Variants in ASIC2 observed in about 807,000 individuals in gnomAD.
ASIC2 encodes acid sensing ion channel subunit 2.
A neutral mutation model predicts 57.3 loss-of-function variants in ASIC2; 25 were observed. That is an observed-to-expected ratio of 0.44 (90% CI 0.32 to 0.61). The LOEUF (loss-of-function observed/expected upper bound fraction) is 0.61. Ranked by LOEUF, ASIC2 falls within the 20% of genes least tolerant of loss-of-function variation. The pLI is 0.06. For missense variants in ASIC2, 641 were observed against 738.1 expected (o/e 0.87, Z 1.52); for synonymous variants, 319 against 307.5 (o/e 1.04, Z -0.39).
chr17:33,642,069 T>C (rs1396795556), intron 1 of ASIC2, among the ~76,000 whole-genome samples: 1 of 152,148 alleles, frequency 6.6e-6, no homozygotes, highest in South Asian at 2.1e-4. Context: ...GTGGCTATTA[T>C]CAGAGAGCAC....
Position 33,682,060 on chromosome 17 carries a change from C to CTTT in ASIC2, c.555+473915_555+473917dup, listed in dbSNP as rs58085265. ...CCACACAGGATGGCATCAGTGACAT[C>CTTT]TTTTTTTTTTTTTTTTTGAGACAGA... On this transcript the variant is annotated intron_variant, in intron 1 of 9. Coordinates refer to the ASIC2 transcript ENST00000359872. Among the ~76,000 whole-genome samples, 44 of 122,774 alleles carry CTTT rather than the reference C, an allele frequency of 3.6e-4. 3 individuals carry two copies. The highest frequency in any genetic ancestry group is 1.1e-3 in the African/African-American group (33 of 29,874). The allele number at this position is 122,774 out of a possible 152,430, so 80.5% of individuals were successfully genotyped here.
chr17:33,865,272 C>A (rs149870725), intron 1 of ASIC2, among the ~76,000 whole-genome samples: 1 of 152,170 alleles, frequency 6.6e-6, no homozygotes, highest in Admixed American at 6.5e-5. Flanking sequence ...GAATTGTAAG[C>A]CACATTTTGT....
intron 1 of ASIC2, among the ~76,000 whole-genome samples, chr17:33,710,013 T>C (rs192862890): frequency 6.6e-6 from 1 of 152,330 alleles, no homozygotes; most frequent in Admixed American, 6.5e-5. Context: ...CTAACATCTG[T>C]CTCCACACAT....
intron 1 of ASIC2, among the ~76,000 whole-genome samples, chr17:33,414,513 G>A (rs371659494): frequency 1.1e-4 from 17 of 152,150 alleles, no homozygotes; most frequent in African/African-American, 3.9e-4. Flanking sequence ...TCCTACCACG[G>A]CAGCCACCGA....
intron 1 of ASIC2, among the ~76,000 whole-genome samples, chr17:33,779,423 A>T (rs533481617): frequency 6.6e-6 from 1 of 152,298 alleles, no homozygotes; most frequent in African/African-American, 2.4e-5. Context: ...GCTCAGCAAA[A>T]GTCTAGTTAT....
chr17:33,888,520 G>T (rs1160900726), intron 1 of ASIC2, among the ~76,000 whole-genome samples: 2 of 152,126 alleles, frequency 1.3e-5, no homozygotes, highest in Non-Finnish European at 2.9e-5. Context: ...AGGACAAAAA[G>T]AACATTACTG....
At chr17:33,494,406 G>T (rs1262768516) in intron 1 of ASIC2, among the ~76,000 whole-genome samples, 2 of 152,240 alleles carry the variant, frequency 1.3e-5, no homozygotes, top group Non-Finnish European at 2.9e-5. Context: ...GACTCTTAGA[G>T]ATTGTGGCCT....
At chr17:33,670,465 AAAAC>A (rs1291928810) in intron 1 of ASIC2, among the ~76,000 whole-genome samples, 3 of 152,356 alleles carry the variant, frequency 2.0e-5, no homozygotes, top group South Asian at 2.1e-4. Flanking sequence ...AGCAACTACA[AAAAC>A]AAACAAACAA....
At chr17:33,390,496 C>T (rs912299353) in intron 1 of ASIC2, among the ~76,000 whole-genome samples, 1 of 152,194 alleles carries the variant, frequency 6.6e-6, no homozygotes, top group Non-Finnish European at 1.5e-5. Context: ...TGTATTATCT[C>T]AGAGTTTCTG....
chr17:33,982,187 T>G (rs1905650543), intron 1 of ASIC2, among the ~76,000 whole-genome samples: 1 of 152,230 alleles, frequency 6.6e-6, no homozygotes, highest in South Asian at 2.1e-4. Context: ...CCAGCCGTAA[T>G]TACCACTAGG....
intron 2 of ASIC2, among the ~76,000 whole-genome samples, chr17:33,090,717 G>A (rs1418784054): frequency 6.6e-6 from 1 of 152,144 alleles, no homozygotes; most frequent in Non-Finnish European, 1.5e-5. Flanking sequence ...TCCAGCCACG[G>A]GAAAGGCATG....
chr17:33,705,634 CCCAGGAATG>C (rs1908840327), intron 1 of ASIC2, among the ~76,000 whole-genome samples: 1 of 152,118 alleles, frequency 6.6e-6, no homozygotes, highest in South Asian at 2.1e-4. Context: ...TGGTCACAAG[CCCAGGAATG>C]CCAGCAGCTA....
At chr17:34,144,196 A>G (rs1204501486) in intron 1 of ASIC2, among the ~76,000 whole-genome samples, 1 of 152,240 alleles carries the variant, frequency 6.6e-6, no homozygotes, top group Non-Finnish European at 1.5e-5. Flanking sequence ...GACCAAATGA[A>G]GTATTCCATG....
chr17:33,232,483 T>TGGTAC (rs1567792786), intron 1 of ASIC2, among the ~76,000 whole-genome samples: 6 of 150,624 alleles, frequency 4.0e-5, no homozygotes, highest in African/African-American at 1.2e-4. Context: ...TGGTATGGTA[T>TGGTAC]GGTATGGTAT....
intron 1 of ASIC2, among the ~76,000 whole-genome samples, chr17:33,761,504 T>A (rs1910777024): frequency 6.6e-6 from 1 of 152,116 alleles, no homozygotes; most frequent in Non-Finnish European, 1.5e-5. Context: ...GCTGCAGATG[T>A]GGTCTGGCCT....
At chr17:33,474,692 C>G (rs371373564) in intron 1 of ASIC2, among the ~76,000 whole-genome samples, 1 of 152,262 alleles carries the variant, frequency 6.6e-6, no homozygotes, top group African/African-American at 2.4e-5. Context: ...TCTGGCCTGA[C>G]CAGAAGCTCA....
At chr17:33,707,470 G>A (rs891628366) in intron 1 of ASIC2, among the ~76,000 whole-genome samples, 1 of 151,948 alleles carries the variant, frequency 6.6e-6, no homozygotes, top group Non-Finnish European at 1.5e-5. Context: ...TACATATACA[G>A]ATAAATTTGT....
chr17:33,814,637 G>C (rs910524962), intron 1 of ASIC2, among the ~76,000 whole-genome samples: 1 of 152,216 alleles, frequency 6.6e-6, no homozygotes, highest in Non-Finnish European at 1.5e-5. Context: ...GCAAATCCTA[G>C]AACTTACTAA....
At chr17:33,713,912 T>C (rs1909131777) in intron 1 of ASIC2, among the ~76,000 whole-genome samples, 1 of 152,240 alleles carries the variant, frequency 6.6e-6, no homozygotes, top group Admixed American at 6.5e-5. Flanking sequence ...GTTATGTCTT[T>C]TTGATCTTAA....
Sources: allele counts gnomAD v4.1 joint callset (sites outside exome capture counted in the v4.1 genomes callset), GRCh38; gene constraint gnomAD v4.1.1; transcripts MANE v1.5; gene names NCBI Gene and HGNC (gene_info 2026-07-23, HGNC 2026-07-21).